HCN1: variants seen among roughly 807,000 people sequenced by gnomAD.
HCN1 encodes potassium/sodium hyperpolarization-activated cyclic nucleotide-gated channel 1.
A neutral mutation model predicts 78.9 loss-of-function variants in HCN1; 13 were observed. The ratio of observed to expected loss-of-function variants is 0.16; its 90% CI spans 0.11 to 0.26. The LOEUF is 0.26. Ranked by LOEUF, HCN1 falls within the 10% of genes least tolerant of loss-of-function variation. The pLI is 1.00. For synonymous variants in HCN1, 552 were observed against 455.5 expected, an observed-to-expected ratio of 1.21 and a Z score of -2.70; for missense variants, 810 against 1,154.3, an observed-to-expected ratio of 0.70 and a Z score of 4.32.
chr5:45,651,228 T>C (rs1178661466), intron 1 of HCN1, among the ~76,000 whole-genome samples: 1 of 151,632 alleles, frequency 6.6e-6, no homozygotes, highest in Non-Finnish European at 1.5e-5. Flanking sequence ...AAGAAAGAAA[T>C]AGAATTCCCA....
In HCN1 at chr5:45,651,652, T is replaced by G. The variant is rs536937058; in HGVS notation, c.426-6044A>C. On this transcript the variant is annotated intron_variant, in intron 1 of 7. Coordinates refer to ENST00000303230, the MANE Select transcript of HCN1 (RefSeq NM_021072.4). ...ATATGTTTTGAAAACTAGCATAAGG[T>G]GCCTTCTCTTAAATGCTAGGTCCTC... Among the ~76,000 whole-genome samples, 49 of 152,096 alleles carry G rather than the reference T, an allele frequency of 3.2e-4. No individual in the cohort carries two copies. In the South Asian group the frequency reaches 9.5e-3, roughly 30 times the overall value.
At position 45,681,644 on chromosome 5, in the gene HCN1, G is replaced by A. The variant is rs951706699; in HGVS notation, c.425+14025C>T. Among the ~76,000 whole-genome samples, 5 of 151,874 alleles carry A rather than the reference G, an allele frequency of 3.3e-5. No individual in the cohort carries two copies. The South Asian group carries it at 8.3e-4, about 25-fold the overall frequency. Reference sequence around the variant, plus strand: ...CTCAATATTTTATTAATTAAGCCAAGAGGAACATAATGTTACCTTTCCATC... The same window carrying A: ...CTCAATATTTTATTAATTAAGCCAAAAGGAACATAATGTTACCTTTCCATC... On this transcript the variant is annotated intron_variant, in intron 1 of 7. Transcript: ENST00000303230.
chr5:45,579,723 G>A (rs934006388), intron 2 of HCN1, among the ~76,000 whole-genome samples: 2 of 152,034 alleles, frequency 1.3e-5, no homozygotes, highest in Non-Finnish European at 2.9e-5. Context: ...AGCACATCAA[G>A]CTGAATAATA....
chr5:45,593,644 C>CATTATTATTATTATT lies in HCN1; in HGVS notation c.849+51526_849+51540dup, dbSNP rs71000644. Among the ~76,000 whole-genome samples the CATTATTATTATTATT allele has an allele frequency of 3.7e-4, 55 of 146,980 alleles. No individual in the cohort carries two copies. The East Asian group carries it at 4.6e-3, about 12-fold the overall frequency. On this transcript the variant is annotated intron_variant, in intron 2 of 7. Transcript: ENST00000303230. ...ATGGCTACAGCGGGGTAGCTATTTT[C>CATTATTATTATTATT]ATTATTATTATTATTATTATTATTG...
chr5:45,433,271 T>C (rs1434614379), intron 3 of HCN1, among the ~76,000 whole-genome samples: 1 of 152,206 alleles, frequency 6.6e-6, no homozygotes, highest in African/African-American at 2.4e-5. Flanking sequence ...AGTTTGCTAG[T>C]ATTTTGTTGA....
intron 2 of HCN1, among the ~76,000 whole-genome samples, chr5:45,551,484 G>A (rs1743369571): frequency 6.6e-6 from 1 of 151,184 alleles, no homozygotes; most frequent in South Asian, 2.1e-4. Flanking sequence ...ATGTCAACAA[G>A]GACATGATAT....
At chr5:45,304,857 T>C (rs1032230536) in intron 5 of HCN1, among the ~76,000 whole-genome samples, 3 of 152,130 alleles carry the variant, frequency 2.0e-5, no homozygotes, top group African/African-American at 7.2e-5. Context: ...AGGAGATCTG[T>C]ATGTTTGATT....
intron 2 of HCN1, among the ~76,000 whole-genome samples, chr5:45,566,150 C>T (rs995578462): frequency 2.0e-5 from 3 of 152,162 alleles, no homozygotes; most frequent in Non-Finnish European, 4.4e-5. Context: ...TTTCTCATCT[C>T]TCCTAATCTG....
intron 5 of HCN1, among the ~76,000 whole-genome samples, chr5:45,348,866 C>A (rs1037298207): frequency 3.9e-5 from 6 of 152,154 alleles, no homozygotes; most frequent in Admixed American, 3.9e-4. Flanking sequence ...CACCCAGATT[C>A]ATAAAGCAAG....
intron 2 of HCN1, among the ~76,000 whole-genome samples, chr5:45,515,101 T>C (rs534881114): frequency 2.6e-5 from 4 of 151,976 alleles, no homozygotes; most frequent in Non-Finnish European, 5.9e-5. Flanking sequence ...ATAGACCCTA[T>C]GTGCACAGTT....
intron 2 of HCN1, among the ~76,000 whole-genome samples, chr5:45,580,500 T>G (rs761460427): frequency 6.6e-6 from 1 of 152,078 alleles, no homozygotes; most frequent in Non-Finnish European, 1.5e-5. Flanking sequence ...ATATCAGACT[T>G]CTGATCTACA....
intron 5 of HCN1, among the ~76,000 whole-genome samples, chr5:45,318,235 A>G (rs946487242): frequency 3.9e-5 from 6 of 152,218 alleles, no homozygotes; most frequent in South Asian, 2.1e-4. Context: ...CTATGCAGCC[A>G]TAAAAAAGAT....
At chr5:45,694,359 G>A (rs887113305) in intron 1 of HCN1, among the ~76,000 whole-genome samples, 5 of 152,142 alleles carry the variant, frequency 3.3e-5, no homozygotes, top group Non-Finnish European at 5.9e-5. Flanking sequence ...GGAGGCTACT[G>A]ATTTCTGAGA....
chr5:45,638,349 T>C (rs1281598772), intron 2 of HCN1, among the ~76,000 whole-genome samples: 3 of 152,108 alleles, frequency 2.0e-5, no homozygotes, highest in African/African-American at 7.2e-5. Context: ...CATGGAATTA[T>C]AGAAAAACCT....
chr5:45,676,901 C>T (rs565902835), intron 1 of HCN1, among the ~76,000 whole-genome samples: 6 of 151,914 alleles, frequency 3.9e-5, no homozygotes, highest in Admixed American at 6.6e-5. Flanking sequence ...TGTCGATCAG[C>T]TATCATCTAG....
intron 2 of HCN1, among the ~76,000 whole-genome samples, chr5:45,511,212 A>T (rs1476922375): frequency 6.6e-6 from 1 of 152,096 alleles, no homozygotes; most frequent in Non-Finnish European, 1.5e-5. Flanking sequence ...CCAAAGTATA[A>T]AATAAATTTC....
At chr5:45,373,348 T>C (rs1579850038) in intron 4 of HCN1, among the ~76,000 whole-genome samples, 1 of 120,044 alleles carries the variant, frequency 8.3e-6, no homozygotes, top group South Asian at 2.3e-4. Flanking sequence ...ATATATAAAA[T>C]ATATATTTAT....
At chr5:45,333,245 T>G (rs939477293) in intron 5 of HCN1, among the ~76,000 whole-genome samples, 2 of 151,876 alleles carry the variant, frequency 1.3e-5, no homozygotes, top group Non-Finnish European at 2.9e-5. Context: ...CCAATGATGA[T>G]GAACATCTTT....
At chr5:45,267,925 T>C (rs1358658503) in intron 6 of HCN1, among the ~76,000 whole-genome samples, 1 of 152,018 alleles carries the variant, frequency 6.6e-6, no homozygotes, top group East Asian at 1.9e-4. Context: ...TGGAATAAAA[T>C]GTCCACAAAG....
Sources: gnomAD v4.1 joint callset for allele counts (sites outside exome capture counted in the v4.1 genomes callset) on GRCh38, gnomAD v4.1.1 for gene constraint, MANE v1.5 for transcripts, NCBI Gene and HGNC (gene_info 2026-07-23, HGNC 2026-07-21) for gene names.